The following ST7 variants were observed in gnomAD, a reference collection of about 807,000 sequenced individuals.
ST7 encodes suppression of tumorigenicity 7.
Under a neutral mutation model 78.7 loss-of-function variants are expected in ST7, and 28 were observed. The ratio of observed to expected loss-of-function variants is 0.36; its 90% CI spans 0.26 to 0.49. The LOEUF is 0.49. Ranked by LOEUF, ST7 falls within the 20% of genes least tolerant of loss-of-function variation. The pLI, the probability that ST7 is intolerant of heterozygous loss-of-function variation, is 0.99. For synonymous variants in ST7, 247 were observed against 249.6 expected, an observed-to-expected ratio of 0.99 and a Z score of 0.10; for missense variants, 418 against 696.0, an observed-to-expected ratio of 0.60 and a Z score of 4.49.
chr7:117,198,440 G>T (rs990571844), intron 12 of ST7: 3 of 368,570 alleles, frequency 8.1e-6, no homozygotes, highest in African/African-American at 2.1e-5. Flanking sequence ...TGGCCTTGAG[G>T]ACCCTCAGTG....
intron 15 of ST7, among the ~76,000 whole-genome samples, chr7:117,224,383 C>T (rs1793308109): frequency 6.6e-6 from 1 of 152,126 alleles, no homozygotes; most frequent in Admixed American, 6.5e-5. Flanking sequence ...ATATTGCTGC[C>T]TTGGATGTTC....
At chr7:117,039,025 A>G (rs1001955434) in intron 1 of ST7, among the ~76,000 whole-genome samples, 1 of 152,202 alleles carries the variant, frequency 6.6e-6, no homozygotes, top group African/African-American at 2.4e-5. Context: ...CAGCCACAGA[A>G]TACTTTGTTG....
At chr7:117,217,038 C>A (rs1019210221) in intron 13 of ST7, among the ~76,000 whole-genome samples, 2 of 152,138 alleles carry the variant, frequency 1.3e-5, no homozygotes, top group Non-Finnish European at 2.9e-5. Flanking sequence ...AAACATGTAG[C>A]ATTTGACTGA....
intron 2 of ST7, among the ~76,000 whole-genome samples, chr7:117,102,721 T>C (rs1017391697): frequency 8.6e-5 from 13 of 151,766 alleles, no homozygotes; most frequent in Admixed American, 8.5e-4. Flanking sequence ...GAGAAAGTAA[T>C]GAAAAGGGGA....
At chr7:117,045,702 T>A (rs1797458621) in intron 1 of ST7, among the ~76,000 whole-genome samples, 1 of 152,074 alleles carries the variant, frequency 6.6e-6, no homozygotes, top group South Asian at 2.1e-4. Flanking sequence ...AGGACAAGGG[T>A]TTTTGTCTGC....
intron 11 of ST7, among the ~76,000 whole-genome samples, chr7:117,189,624 A>G (rs1343817959): frequency 6.6e-6 from 1 of 152,240 alleles, no homozygotes; most frequent in African/African-American, 2.4e-5. Context: ...TTGAAATTCC[A>G]TGCTTCTGAG....
chr7:117,109,342 G>A (rs910498344), intron 2 of ST7, among the ~76,000 whole-genome samples: 3 of 152,144 alleles, frequency 2.0e-5, no homozygotes, highest in Non-Finnish European at 2.9e-5. Context: ...GAAGAAGAGA[G>A]AAGATCCAAA....
Position 116,998,699 on chromosome 7 carries a change from C to T in ST7, c.151+45008C>T, listed in dbSNP as rs190157709. Among the ~76,000 whole-genome samples the T allele has an allele frequency of 4.4e-3, 667 of 152,368 alleles. 2 individuals carry two copies. The highest frequency in any genetic ancestry group is 0.014 in the Middle Eastern group (4 of 294). On this transcript the variant is annotated intron_variant, in intron 1 of 15. Transcript: ENST00000323984. The stretch of plus-strand genomic sequence containing the variant: ...CTTTTCTTCCAGGACATACTGTCCT[C>T]ATGGAACTTATGTTCTGGTGAGAAA...
chr7:117,099,430 T>C (rs1801400786), intron 1 of ST7, among the ~76,000 whole-genome samples: 1 of 152,232 alleles, frequency 6.6e-6, no homozygotes, highest in African/African-American at 2.4e-5. Context: ...ACCTTCTCTT[T>C]TTGGCTAACA....
intron 1 of ST7, among the ~76,000 whole-genome samples, chr7:116,957,439 C>G (rs1283860796): frequency 6.6e-6 from 1 of 151,688 alleles, no homozygotes; most frequent in Non-Finnish European, 1.5e-5. Context: ...CTTAAGGGAT[C>G]CTCCCACCTC....
chr7:117,134,021 C>A, intron 6 of ST7, 103 bp from the exon 7 acceptor site: 1 of 1,456,614 alleles, frequency 6.9e-7, no homozygotes, highest in Non-Finnish European at 9.2e-7. Context: ...TGAAGTCCAC[C>A]TTCCCCTCTT....
intron 1 of ST7, among the ~76,000 whole-genome samples, chr7:117,022,167 A>G (rs1178193358): frequency 1.3e-5 from 2 of 152,204 alleles, no homozygotes; most frequent in African/African-American, 2.4e-5. Flanking sequence ...TATGCGCTGT[A>G]TGGTATGTGT....
At chr7:117,121,286 C>G (rs1584719721) in intron 3 of ST7, among the ~76,000 whole-genome samples, 1 of 152,130 alleles carries the variant, frequency 6.6e-6, no homozygotes, top group East Asian at 1.9e-4. Flanking sequence ...GGTGAGGTCT[C>G]TTTTCCTTTC....
At chr7:116,966,752 G>T (rs1793139035) in intron 1 of ST7, among the ~76,000 whole-genome samples, 1 of 152,130 alleles carries the variant, frequency 6.6e-6, no homozygotes, top group African/African-American at 2.4e-5. Context: ...TCCCCTCTAG[G>T]CAGGAAGCCC....
chr7:117,006,588 C>G (rs773953340), intron 1 of ST7, among the ~76,000 whole-genome samples: 2 of 152,090 alleles, frequency 1.3e-5, no homozygotes, highest in Non-Finnish European at 2.9e-5. Context: ...ATACCTAATT[C>G]CTACCAAACT....
At chr7:116,956,420 C>G (rs1481736325) in intron 1 of ST7, 1 of 467,302 alleles carries the variant, frequency 2.1e-6, no homozygotes, top group African/African-American at 2.0e-5. Flanking sequence ...TGCTGTTCTT[C>G]AGCCCTGTGG....
intron 1 of ST7, among the ~76,000 whole-genome samples, chr7:117,013,757 C>T (rs1352993444): frequency 6.6e-6 from 1 of 152,134 alleles, no homozygotes; most frequent in East Asian, 1.9e-4. Flanking sequence ...TGCTTGAACC[C>T]AGGAGGCAGA....
chr7:117,139,807 G>T (rs1313189384), intron 9 of ST7, among the ~76,000 whole-genome samples: 1 of 152,176 alleles, frequency 6.6e-6, no homozygotes, highest in East Asian at 1.9e-4. Context: ...TTTAAGAAAA[G>T]GAGATTTCTG....
chr7:117,141,502 CG>C (rs1563115493), intron 9 of ST7, among the ~76,000 whole-genome samples: 1 of 152,106 alleles, frequency 6.6e-6, no homozygotes, highest in Non-Finnish European at 1.5e-5. Context: ...TAAAGCAACA[CG>C]TTAATTATTT....
Sources: allele counts gnomAD v4.1 joint callset (sites outside exome capture counted in the v4.1 genomes callset), GRCh38; gene constraint gnomAD v4.1.1; transcripts MANE v1.5; gene names NCBI Gene and HGNC (gene_info 2026-07-23, HGNC 2026-07-21).